EML5: variants seen among roughly 807,000 people sequenced by gnomAD.
EML5 encodes echinoderm microtubule-associated protein-like 5.
A neutral mutation model predicts 250.0 loss-of-function variants in EML5; 120 were observed. The observed-to-expected ratio is 0.48, with a 90% CI of 0.41 to 0.56. EML5 has a LOEUF of 0.56. Among genes scored for constraint, EML5 ranks in the 20% least tolerant of loss-of-function variants. The pLI, the probability that EML5 is intolerant of heterozygous loss-of-function variation, is 0.00. For synonymous variants in EML5, 771 were observed against 806.5 expected, an observed-to-expected ratio of 0.96 and a Z score of 0.75; for missense variants, 2,006 against 2,437.6, an observed-to-expected ratio of 0.82 and a Z score of 3.73.
chr14:88,697,895 C>T (rs2093116456), intron 14 of EML5, among the ~76,000 whole-genome samples: 1 of 151,954 alleles, frequency 6.6e-6, no homozygotes, highest in African/African-American at 2.4e-5. Flanking sequence ...GCCACCACAC[C>T]CAGCTAATTT....
chr14:88,700,859 C>G (rs1023443242), intron 14 of EML5, among the ~76,000 whole-genome samples: 1 of 152,178 alleles, frequency 6.6e-6, no homozygotes, highest in African/African-American at 2.4e-5. Flanking sequence ...TAGTTTTAAC[C>G]TCTACCTACC....
At chr14:88,715,396 C>G (rs1178187743) in intron 8 of EML5, among the ~76,000 whole-genome samples, 1 of 152,088 alleles carries the variant, frequency 6.6e-6, no homozygotes. Flanking sequence ...GCCAGATGTA[C>G]AGGAAAATGC....
At chr14:88,761,011 T>C (rs1173704517) in intron 1 of EML5, among the ~76,000 whole-genome samples, 1 of 152,204 alleles carries the variant, frequency 6.6e-6, no homozygotes, top group Non-Finnish European at 1.5e-5. Context: ...CCTGTGACCC[T>C]GATAAATTCA....
chr14:88,779,775 T>C (rs1352629872), intron 1 of EML5, among the ~76,000 whole-genome samples: 1 of 152,214 alleles, frequency 6.6e-6, no homozygotes, highest in Non-Finnish European at 1.5e-5. Flanking sequence ...TTGCTATCTA[T>C]ACTGGCTTTG....
rs1237703896 is a variant in EML5, at chr14:88,667,221, G to T, written c.3125-1732C>A. On this transcript the variant is annotated intron_variant, in intron 21 of 43. Coordinates refer to ENST00000554922, the MANE Select transcript of EML5 (RefSeq NM_183387.3). ...AATATATGAATCCTTTTCAGGAGCT[G>T]CATATAATGTTTGTTATATGTATAT... Among the ~76,000 whole-genome samples the T allele has an allele frequency of 2.6e-5, 4 of 152,174 alleles. No individual in the cohort carries two copies. In the South Asian group the frequency reaches 6.2e-4, roughly 24 times the overall value.
At chr14:88,703,045 C>T (rs1367455788) in intron 13 of EML5, among the ~76,000 whole-genome samples, 1 of 151,940 alleles carries the variant, frequency 6.6e-6, no homozygotes, top group Non-Finnish European at 1.5e-5. Flanking sequence ...CCATGCCCAG[C>T]CTGAACAATT....
chr14:88,728,687 A>G (rs2093705439), intron 7 of EML5, among the ~76,000 whole-genome samples: 2 of 152,160 alleles, frequency 1.3e-5, no homozygotes, highest in African/African-American at 2.4e-5. Context: ...AAATCCACCT[A>G]TAAGTGGACC....
intron 4 of EML5, 142 bp downstream of exon 4, chr14:88,743,881 A>G: frequency 2.2e-6 from 1 of 456,112 alleles, no homozygotes; most frequent in South Asian, 6.7e-5. Context: ...GTTTGACTGA[A>G]CATAAGAACA....
Position 88,620,934 on chromosome 14 carries a change from T to TTA in EML5, c.5203-9_5203-8insTA. The stretch of plus-strand genomic sequence containing the variant: ...CACTTTGTTTAACATCTTCTGCATT[T>TTA]AAAAAAAAAAAAAAAAAGAGTCATA... On this transcript the variant is annotated splice_polypyrimidine_tract_variant and intron_variant, in intron 38 of 43. Transcript: ENST00000554922. This position sits in a 1 kb window ranked among gnomAD's most constrained non-coding sequence, Gnocchi z 4.3. The TTA allele has an allele frequency of 7.3e-7, 1 of 1,372,042 alleles. No individual in the cohort carries two copies. Among genetic ancestry groups the TTA allele is most frequent in the South Asian group, 1.6e-5 (1 of 62,280 alleles). 85.0% of individuals were successfully genotyped at this position (1,372,042 alleles called of 1,614,324 possible). A position where few individuals can be genotyped will look rare whatever the true frequency, so the allele number is the denominator to read the frequency against.
intron 25 of EML5, 65 bp from the exon 26 acceptor site, chr14:88,658,453 G>T: frequency 7.8e-7 from 1 of 1,278,584 alleles, no homozygotes. Context: ...TTTCCATTAT[G>T]ATTTTGAATT....
intron 14 of EML5, 60 bp downstream of exon 14, chr14:88,702,386 T>C: frequency 1.5e-6 from 2 of 1,326,756 alleles, no homozygotes; most frequent in Non-Finnish European, 2.0e-6. Flanking sequence ...TGTGATTAAT[T>C]TATTTAAACT....
At position 88,612,943 on chromosome 14, in the gene EML5, A is replaced by G. The variant is rs2087010235; in HGVS notation, c.*2875T>C. The G allele has an allele frequency of 6.6e-6, 1 of 152,240 alleles. No homozygotes were observed. The allele number at this position is 152,240 out of a possible 1,614,324, so 9.4% of individuals were successfully genotyped here. Reference sequence around the variant, plus strand: ...AGTGGATTAATGCAAAAGGGGTAATAAAGACTGCAACATTCTCAGGACCAA... The same window carrying G: ...AGTGGATTAATGCAAAAGGGGTAATGAAGACTGCAACATTCTCAGGACCAA... On this transcript the variant is annotated 3_prime_UTR_variant, in exon 44 of 44. Transcript: ENST00000554922.
rs1046653304 is a variant in EML5 at position 88,613,513 on chromosome 14, T to A, written c.*2305A>T. The A allele has an allele frequency of 6.6e-6, 1 of 152,164 alleles. No homozygotes were observed. The highest frequency in any genetic ancestry group is 2.4e-5 in the African/African-American group (1 of 41,446). The allele number at this position is 152,164 out of a possible 1,614,324, so 9.4% of individuals were successfully genotyped here. ...ATAATAAAATACTAAAATCTGATTG[T>A]TTTTTGCTATTTAATAGCCACTGCC... On this transcript the variant is annotated 3_prime_UTR_variant, in exon 44 of 44. Transcript: ENST00000554922.
At chr14:88,722,460 T>C (rs1157572727) in intron 8 of EML5, among the ~76,000 whole-genome samples, 2 of 152,180 alleles carry the variant, frequency 1.3e-5, no homozygotes, top group Non-Finnish European at 2.9e-5. Context: ...TCATGTCCTT[T>C]GCAGGGACAT....
chr14:88,691,043 G>C (rs995329165), intron 17 of EML5, among the ~76,000 whole-genome samples: 1 of 152,324 alleles, frequency 6.6e-6, no homozygotes, highest in South Asian at 2.1e-4. Context: ...TCTGCCCAGA[G>C]TCTGGGCTGG....
intron 1 of EML5, among the ~76,000 whole-genome samples, chr14:88,790,208 T>C (rs780729082): frequency 1.3e-5 from 2 of 152,218 alleles, no homozygotes; most frequent in Non-Finnish European, 2.9e-5. Context: ...CATATTAAAT[T>C]TGTGCCACCA....
intron 15 of EML5, 56 bp downstream of exon 15, chr14:88,696,791 G>A: frequency 1.6e-6 from 2 of 1,234,142 alleles, no homozygotes; most frequent in Middle Eastern, 1.9e-4. Context: ...AGATTAAAAT[G>A]CTATGTGTTG....
At chr14:88,616,336 G>A (rs2087609369) in intron 42 of EML5, 94 bp from the exon 43 acceptor site, 1 of 1,226,024 alleles carries the variant, frequency 8.2e-7, no homozygotes, top group African/African-American at 1.5e-5. Context: ...CAAGAGCTGT[G>A]GAGAGAGTAG....
At chr14:88,732,329 TC>T (rs2093773373) in intron 7 of EML5, among the ~76,000 whole-genome samples, 1 of 152,204 alleles carries the variant, frequency 6.6e-6, no homozygotes, top group Admixed American at 6.5e-5. Flanking sequence ...GGGAATCGTT[TC>T]CCCATTTCTT....
Sources: gnomAD v4.1 joint callset for allele counts (sites outside exome capture counted in the v4.1 genomes callset) on GRCh38, gnomAD v4.1.1 for gene constraint, Gnocchi (gnomAD v3.1) non-coding constraint, MANE v1.5 for transcripts, NCBI Gene and HGNC (gene_info 2026-07-23, HGNC 2026-07-21) for gene names.